Variants in SEMA6C observed in about 807,000 individuals in gnomAD.
The protein encoded by SEMA6C is semaphorin-6C.
A neutral mutation model predicts 72.9 loss-of-function variants in SEMA6C; 37 were observed. That is an observed-to-expected ratio of 0.51 (90% confidence interval 0.39 to 0.67). The LOEUF (loss-of-function observed/expected upper bound fraction) is 0.67, where lower values mean the gene tolerates loss of function less well. Ranked by LOEUF, SEMA6C falls within the 30% of genes least tolerant of loss-of-function variation. SEMA6C has a pLI of 0.00. For synonymous variants in SEMA6C, 578 were observed against 554.1 expected (o/e 1.04, Z -0.61); for missense variants, 1,189 against 1,263.6 (o/e 0.94, Z 0.89).
At chr1:151,143,552 T>A (rs954648054) in intron 2 of SEMA6C, among the ~76,000 whole-genome samples, 3 of 152,144 alleles carry the variant, frequency 2.0e-5, no homozygotes, top group African/African-American at 4.8e-5. Flanking sequence ...AACGTGCGCC[T>A]CTCTCCCTTC....
chr1:151,138,755 C>T, intron 6 of SEMA6C, 24 bp from the exon 7 acceptor site: 1 of 1,570,334 alleles, frequency 6.4e-7, no homozygotes, highest in Non-Finnish European at 8.8e-7. Flanking sequence ...AATTCTAGGT[C>T]AGTGACAGAG....
At position 151,132,802 on chromosome 1, in the gene SEMA6C, C is replaced by G; in HGVS notation, c.2475G>C (p.Glu825Asp). 7.5e-7 allele frequency: 1 copy of G among 1,339,284 alleles called. No individual in the cohort carries two copies. The highest frequency in any genetic ancestry group is 9.6e-7 in the Non-Finnish European group (1 of 1,044,082). The allele number at this position is 1,339,284 out of a possible 1,614,324, so 83.0% of individuals were successfully genotyped here. The change falls in exon 19 of 19, where the codon GAG (glutamate) becomes GAC (aspartate). Residue 825 changes from glutamate (E) to aspartate (D), a missense_variant. Coordinates refer to ENST00000368914, the MANE Select transcript of SEMA6C (RefSeq NM_030913.6). Reference sequence around the variant, plus strand: ...GGGCGGGGGCAGAGGCGCACCTGCCCTCGGGGGGCACGTCCAGCCTCAGCG... The same window carrying G: ...GGGCGGGGGCAGAGGCGCACCTGCCGTCGGGGGGCACGTCCAGCCTCAGCG... Reference protein sequence around the residue: ...ASPLRLDVPPEGRCASAPARP... With the variant: ...ASPLRLDVPPDGRCASAPARP...
chr1:151,136,783 G>A, intron 11 of SEMA6C, 74 bp downstream of exon 11: 1 of 1,444,262 alleles, frequency 6.9e-7, no homozygotes, highest in East Asian at 2.3e-5. Context: ...CCCATCAGTA[G>A]GCTGTGAAAG....
rs370889271 is a variant in SEMA6C, at chr1:151,138,120, G to A, written c.548-15C>T. 1.3e-5 allele frequency: 21 copies of A among 1,613,180 alleles called. No homozygotes were observed. The highest frequency in any genetic ancestry group is 1.8e-5 in the Non-Finnish European group (21 of 1,179,650). ...CAGGCTGCCCTCTGGAGGGATGGGT[G>A]GAGTGGGGTCAGGGGAGGGCTCAGG... is the stretch of plus-strand genomic sequence containing the variant. On this transcript the variant is annotated splice_polypyrimidine_tract_variant and intron_variant, in intron 8 of 18. Transcript: ENST00000368914.
At chr1:151,134,470 A>G in intron 17 of SEMA6C, 25 bp from the exon 18 acceptor site, 2 of 1,608,590 alleles carry the variant, frequency 1.2e-6, no homozygotes, top group Non-Finnish European at 1.7e-6. Context: ...CAGGGTGAAG[A>G]TGGGGGGAAA....
rs1682849387 is a variant in SEMA6C, at chr1:151,145,260, G to C, written c.-104-826C>G. On this transcript the variant is annotated intron_variant, in intron 1 of 18. Transcript: ENST00000368914. This position sits in a 1 kb window ranked among gnomAD's most constrained non-coding sequence, Gnocchi z 4.4. ...CGAAGCCACCTCTGGGGAATGGCTGGGGTCACAGCCAGAGTCTAGGAGAGC... is the reference window on the plus strand; with the variant it reads ...CGAAGCCACCTCTGGGGAATGGCTGCGGTCACAGCCAGAGTCTAGGAGAGC... The C allele has an allele frequency of 1.3e-5, 2 of 152,322 alleles. No individual in the cohort carries two copies. The highest frequency in any genetic ancestry group is 4.8e-5 in the African/African-American group (2 of 41,450). 9.4% of individuals were successfully genotyped at this position (152,322 alleles called of 1,614,324 possible). A position where few individuals can be genotyped will look rare whatever the true frequency, so the allele number is the denominator to read the frequency against.
chr1:151,143,089 C>T (rs1328443050), intron 2 of SEMA6C, among the ~76,000 whole-genome samples: 1 of 152,186 alleles, frequency 6.6e-6, no homozygotes, highest in African/African-American at 2.4e-5. Flanking sequence ...GAAAAGGGCA[C>T]CATGTCTGAC....
chr1:151,139,802 C>G, intron 4 of SEMA6C, 101 bp from the exon 5 acceptor site: 1 of 1,287,628 alleles, frequency 7.8e-7, no homozygotes. Flanking sequence ...TCTGGCCCTC[C>G]CCTTCCCCCT....
At chr1:151,135,939 C>G in intron 13 of SEMA6C, 72 bp downstream of exon 13, 1 of 1,598,998 alleles carries the variant, frequency 6.3e-7, no homozygotes. Context: ...TGCGGTTTAC[C>G]TTGTTGGGTC....
intron 7 of SEMA6C, 35 bp downstream of exon 7, chr1:151,138,595 A>G (rs1283299433): frequency 1.9e-6 from 3 of 1,594,684 alleles, no homozygotes. Flanking sequence ...GGGTCCCCCC[A>G]ACTCCCATCC....
intron 12 of SEMA6C, 92 bp downstream of exon 12, chr1:151,136,356 G>A: frequency 6.5e-7 from 1 of 1,543,508 alleles, no homozygotes; most frequent in Non-Finnish European, 8.8e-7. Flanking sequence ...CCACCCTGAG[G>A]CCTTGGACAT....
At chr1:151,134,094 G>A in intron 18 of SEMA6C, 1 of 1,383,570 alleles carries the variant, frequency 7.2e-7, no homozygotes, top group South Asian at 1.5e-5. Flanking sequence ...TGAGGCTCTT[G>A]ATCTCTACCC....
chr1:151,135,153 C>A lies in SEMA6C; in HGVS notation c.1580+10G>T, dbSNP rs1204624711. The A allele has an allele frequency of 1.2e-6, 2 of 1,612,820 alleles. No homozygotes were observed. The highest frequency in any genetic ancestry group is 1.7e-5 in the Admixed American group (1 of 59,884). On this transcript the variant is annotated intron_variant, in intron 15 of 18. Coordinates refer to ENST00000368914, the MANE Select transcript of SEMA6C (RefSeq NM_030913.6). ...TGCCCACACAGGGCCTGGCCTCAGG[C>A]CCCTCTCACCTCTGACAGGCCCCAT...
intron 18 of SEMA6C, 119 bp downstream of exon 18, chr1:151,134,282 G>T: frequency 9.8e-7 from 1 of 1,017,534 alleles, no homozygotes; most frequent in Non-Finnish European, 1.5e-6. Context: ...TCTGGAGGAT[G>T]CCGACCCTTT....
rs748030683 is a variant in SEMA6C, at chr1:151,142,615, G to A, written c.7C>T (p.Arg3Cys). The change falls in exon 3 of 19, where the codon CGT (arginine) becomes TGT (cysteine). Residue 3 changes from arginine (R) to cysteine (C), a missense_variant. Transcript: ENST00000368914. ...AGCAAGGGCATGAAGTGGGGGGCAC[G>A]GGGCATCCTGTGCGGGGCAGCTCAG... Reference protein sequence around the residue: MPRAPHFMPLLLL... With the variant: MPCAPHFMPLLLL... 9.5e-6 allele frequency: 15 copies of A among 1,579,966 alleles called. No homozygotes were observed. Among genetic ancestry groups the A allele is most frequent in the East Asian group, 2.3e-5 (1 of 43,950 alleles).
rs750519669 is a variant in SEMA6C, at chr1:151,138,355, G to C, written c.508C>G (p.Pro170Ala). Residue 170 changes from proline (P) to alanine (A), a missense_variant, in exon 8 of 19, where the codon CCC (proline) becomes GCC (alanine). Around this residue, in one of 2 missense-constraint regions of SEMA6C, gnomAD observed 468 missense variants for 577.4 expected, o/e 0.81. Coordinates refer to ENST00000368914, the MANE Select transcript of SEMA6C (RefSeq NM_030913.6). ...ACGTTGGACTGGGTGGCATCAAAGG[G>C]GCATCGAGCCTGCCCACTCAGTTCC... is the stretch of plus-strand genomic sequence containing the variant. ...GEELSGQARC[P>A]FDATQSNVAI... 65 of 1,613,928 alleles carry C rather than the reference G, an allele frequency of 4.0e-5. No homozygotes were observed. Among genetic ancestry groups the C allele is most frequent in the Non-Finnish European group, 5.4e-5 (64 of 1,179,960 alleles).
At chr1:151,141,634 C>A (rs901173332) in intron 3 of SEMA6C, among the ~76,000 whole-genome samples, 2 of 152,024 alleles carry the variant, frequency 1.3e-5, no homozygotes, top group Non-Finnish European at 2.9e-5. Flanking sequence ...AGGTCTCGAA[C>A]TCCTGACCTC....
Position 151,134,853 on chromosome 1 carries a change from G to C in SEMA6C, c.1603C>G (p.Pro535Ala). ...CTGGAGCTATGCCATCCACAGTATG[G>C]GTCCTGAGAAGCCAAACAGCTCCTA... The part of the protein sequence containing the change: ...CQRSCLASQD[P>A]YCGWHSSRGC... Residue 535 changes from proline (P) to alanine (A), a missense_variant, in exon 16 of 19, where the codon CCA (proline) becomes GCA (alanine). Coordinates refer to ENST00000368914, the MANE Select transcript of SEMA6C (RefSeq NM_030913.6). The C allele has an allele frequency of 6.2e-7, 1 of 1,614,056 alleles. No individual in the cohort carries two copies. Among genetic ancestry groups the C allele is most frequent in the Middle Eastern group, 1.7e-4 (1 of 6,058 alleles).
chr1:151,136,226 G>C (rs1353097826), intron 12 of SEMA6C, 63 bp from the exon 13 acceptor site: 2 of 1,591,538 alleles, frequency 1.3e-6, no homozygotes, highest in Non-Finnish European at 8.6e-7. Context: ...TAACCTCTGT[G>C]CCCCCTACTG....
Sources: allele counts gnomAD v4.1 joint callset (sites outside exome capture counted in the v4.1 genomes callset), GRCh38; gene constraint gnomAD v4.1.1; regional missense constraint gnomAD v4.1.1; non-coding constraint Gnocchi (gnomAD v3.1); transcripts MANE v1.5; gene names NCBI Gene and HGNC (gene_info 2026-07-23, HGNC 2026-07-21).